PPP1R12B: variants seen among roughly 807,000 people sequenced by gnomAD.
PPP1R12B encodes the protein protein phosphatase 1 regulatory subunit 12B.
Under a neutral mutation model 126.1 loss-of-function variants are expected in PPP1R12B, and 76 were observed. The observed-to-expected ratio is 0.60, with a 90% CI of 0.50 to 0.73. The LOEUF is 0.73. PPP1R12B is among the 30% of genes least tolerant of loss of function. The pLI, the probability that PPP1R12B is intolerant of heterozygous loss-of-function variation, is 0.00. For missense variants in PPP1R12B, 1,052 were observed against 1,205.1 expected (o/e 0.87, Z 1.88); for synonymous variants, 356 against 434.7 (o/e 0.82, Z 2.25).
At chr1:202,563,747 C>T (rs892923017) in intron 20 of PPP1R12B, among the ~76,000 whole-genome samples, 21 of 151,886 alleles carry the variant, frequency 1.4e-4, no homozygotes, top group African/African-American at 3.6e-4. Context: ...CAGGTGTTTG[C>T]GATACCAGGA....
chr1:202,474,892 A>T (rs1429485185), intron 13 of PPP1R12B, among the ~76,000 whole-genome samples: 1 of 152,226 alleles, frequency 6.6e-6, no homozygotes, highest in Admixed American at 6.5e-5. Flanking sequence ...TACTAAAGAA[A>T]GTAACCTATG....
rs545389145 is a variant in PPP1R12B, at chr1:202,378,738, A to G, written c.291+29596A>G. On this transcript the variant is annotated intron_variant, in intron 1 of 23. Transcript: ENST00000608999. ...GGTGATCCGCCCACCTCGGCTTCCC[A>G]AAGTGCTGGGATTATAGGCATGAGC... is the stretch of plus-strand genomic sequence containing the variant. Among the ~76,000 whole-genome samples the G allele has an allele frequency of 1.5e-3, 234 of 152,250 alleles. 1 individual carries two copies. The highest frequency in any genetic ancestry group is 5.0e-3 in the East Asian group (26 of 5,182).
chr1:202,504,409 C>T (rs534603674), intron 18 of PPP1R12B, among the ~76,000 whole-genome samples: 1 of 152,114 alleles, frequency 6.6e-6, no homozygotes, highest in South Asian at 2.1e-4. Flanking sequence ...AAAAAGAAGA[C>T]TCTTGGAAAA....
At chr1:202,482,359 T>C (rs756870158) in intron 13 of PPP1R12B, among the ~76,000 whole-genome samples, 16 of 152,230 alleles carry the variant, frequency 1.1e-4, no homozygotes, top group Non-Finnish European at 1.9e-4. Context: ...CACCAACTTG[T>C]GTAAGTGTTC....
At chr1:202,375,793 A>G (rs912428340) in intron 1 of PPP1R12B, among the ~76,000 whole-genome samples, 4 of 152,202 alleles carry the variant, frequency 2.6e-5, no homozygotes, top group African/African-American at 9.6e-5. Context: ...GGCCTCAAGC[A>G]GTCCTCCCCC....
intron 13 of PPP1R12B, among the ~76,000 whole-genome samples, chr1:202,455,468 A>G (rs1343752497): frequency 6.6e-6 from 1 of 152,226 alleles, no homozygotes; most frequent in East Asian, 1.9e-4. Flanking sequence ...GAATAAAAAT[A>G]CAATCTTTTG....
At chr1:202,569,846 A>C (rs1320715576) in intron 23 of PPP1R12B, among the ~76,000 whole-genome samples, 1 of 152,054 alleles carries the variant, frequency 6.6e-6, no homozygotes, top group Non-Finnish European at 1.5e-5. Context: ...TCCATTAGCC[A>C]CTTTAATGGA....
intron 18 of PPP1R12B, among the ~76,000 whole-genome samples, chr1:202,518,340 A>G (rs955290526): frequency 6.6e-6 from 1 of 152,248 alleles, no homozygotes; most frequent in African/African-American, 2.4e-5. Context: ...CCTACTGTCC[A>G]GTATTCTGGC....
chr1:202,435,886 A>AT (rs545601614), intron 9 of PPP1R12B, among the ~76,000 whole-genome samples: 92 of 152,344 alleles, frequency 6.0e-4, no homozygotes, highest in African/African-American at 2.0e-3. Flanking sequence ...ATTCTCACTC[A>AT]TATTCAGTCA....
At chr1:202,555,413 AGATATAGT>A (rs1686815054) in intron 18 of PPP1R12B, among the ~76,000 whole-genome samples, 1 of 147,412 alleles carries the variant, frequency 6.8e-6, no homozygotes, top group Non-Finnish European at 1.5e-5. Context: ...TTAAAACTAA[AGATATAGT>A]AAAATCTTAC....
At chr1:202,435,457 T>C (rs530896665) in intron 9 of PPP1R12B, among the ~76,000 whole-genome samples, 92 of 152,360 alleles carry the variant, frequency 6.0e-4, no homozygotes, top group African/African-American at 2.0e-3. Flanking sequence ...GTGATTATTC[T>C]CCTTTTTCTA....
chr1:202,442,463 C>A lies in PPP1R12B; in HGVS notation c.1558C>A (p.Leu520Ile), dbSNP rs751659802. 3.1e-6 allele frequency: 5 copies of A among 1,610,730 alleles called. No individual in the cohort carries two copies. Among genetic ancestry groups the A allele is most frequent in the Non-Finnish European group, 4.2e-6 (5 of 1,178,982 alleles). ...CTTCTACAGAGAATCAGCTGTTAAT[C>A]TAGTGAGGAGTGGCTCCTATACCCG... The part of the protein sequence containing the change: ...EKENRESAVN[L>I]VRSGSYTRQL... Residue 520 changes from leucine (L) to isoleucine (I), a missense_variant, in exon 12 of 24, where the codon CTA (leucine) becomes ATA (isoleucine). Physicochemically the swap from Leu to Ile is conservative, Grantham distance 5. Coordinates refer to ENST00000608999, the MANE Select transcript of PPP1R12B (RefSeq NM_002481.4).
intron 1 of PPP1R12B, 108 bp downstream of exon 1, chr1:202,349,250 T>G: frequency 7.7e-7 from 1 of 1,301,158 alleles, no homozygotes; most frequent in Non-Finnish European, 1.1e-6. Flanking sequence ...TCCTTCTGCA[T>G]GGACACTGCC....
chr1:202,414,930 G>A (rs567972704), intron 1 of PPP1R12B, among the ~76,000 whole-genome samples: 70 of 152,048 alleles, frequency 4.6e-4, no homozygotes, highest in African/African-American at 1.6e-3. Context: ...CTACACGTGC[G>A]TGCCACCATG....
rs1353345626 is a variant in PPP1R12B, at chr1:202,589,428, C to CAAG, written c.*8869_*8871dup. The CAAG allele has an allele frequency of 1.3e-5, 2 of 152,208 alleles. No individual in the cohort carries two copies. Among genetic ancestry groups the CAAG allele is most frequent in the Non-Finnish European group, 2.9e-5 (2 of 68,062 alleles). The allele number at this position is 152,208 out of a possible 1,614,324, so 9.4% of individuals were successfully genotyped here. A position where few individuals can be genotyped will look rare whatever the true frequency, so the allele number is the denominator to read the frequency against. On this transcript the variant is annotated 3_prime_UTR_variant, in exon 24 of 24. Coordinates refer to ENST00000608999, the MANE Select transcript of PPP1R12B (RefSeq NM_002481.4). The stretch of plus-strand genomic sequence containing the variant: ...TGATGTCACCCAGCTGTTTGTAACC[C>CAAG]AAGCAGCAGCAGAACAAGCACACTT...
rs1236646221 is a variant in PPP1R12B at position 202,508,865 on chromosome 1, G to A, written c.2490+12043G>A. On this transcript the variant is annotated intron_variant, in intron 18 of 23. Coordinates refer to ENST00000608999, the MANE Select transcript of PPP1R12B (RefSeq NM_002481.4). The surrounding 1 kb of genome is among the most constrained non-coding windows in gnomAD (Gnocchi z 4.5). ...AGCAGCCTCACTTCATCTTTGGCAC[G>A]TGATGCTCTAGGTCCGCAAACTTTT... Among the ~76,000 whole-genome samples, 2 of 152,170 alleles carry A rather than the reference G, an allele frequency of 1.3e-5. No individual in the cohort carries two copies. Among genetic ancestry groups the A allele is most frequent in the East Asian group, 1.9e-4 (1 of 5,204 alleles).
chr1:202,571,707 C>T (rs948606699), intron 23 of PPP1R12B, among the ~76,000 whole-genome samples: 16 of 152,196 alleles, frequency 1.1e-4, no homozygotes, highest in African/African-American at 3.9e-4. Context: ...CCACCCACCT[C>T]GGCCTCCCAA....
Position 202,495,318 on chromosome 1 carries a change from C to T in PPP1R12B, c.2171C>T (p.Pro724Leu). 6.3e-7 allele frequency: 1 copy of T among 1,576,054 alleles called. No homozygotes were observed. The highest frequency in any genetic ancestry group is 8.6e-7 in the Non-Finnish European group (1 of 1,164,040). ...CCTATCTGTCATCGCCTGAGGTGCCCAGCTCAGCCAGACAAACCCACCACG... is the reference window on the plus strand; with the variant it reads ...CCTATCTGTCATCGCCTGAGGTGCCTAGCTCAGCCAGACAAACCCACCACG... Reference protein sequence around the residue: ...EEPICHRLRCPAQPDKPTTPA... With the variant: ...EEPICHRLRCLAQPDKPTTPA... Residue 724 changes from proline (P) to leucine (L), a missense_variant, in exon 16 of 24, where the codon CCA (proline) becomes CTA (leucine). Coordinates refer to ENST00000608999, the MANE Select transcript of PPP1R12B (RefSeq NM_002481.4).
chr1:202,527,943 C>T (rs1306072370), intron 18 of PPP1R12B, among the ~76,000 whole-genome samples: 1 of 152,204 alleles, frequency 6.6e-6, no homozygotes, highest in Non-Finnish European at 1.5e-5. Context: ...TAGAAAAAGA[C>T]ATCTGATTAT....
Sources: allele counts gnomAD v4.1 joint callset (sites outside exome capture counted in the v4.1 genomes callset), GRCh38; gene constraint gnomAD v4.1.1; non-coding constraint Gnocchi (gnomAD v3.1); transcripts MANE v1.5; gene names NCBI Gene and HGNC (gene_info 2026-07-23, HGNC 2026-07-21).